NOS1: variants seen among roughly 807,000 people sequenced by gnomAD.
NOS1 encodes the protein nitric oxide synthase 1, also known as NOS type I.
In NOS1, 51 loss-of-function variants were observed where a neutral mutation model predicts 164.5. That is an observed-to-expected ratio of 0.31 (90% confidence interval 0.25 to 0.39). NOS1 has a LOEUF of 0.39. Ranked by LOEUF, NOS1 falls within the 10% of genes least tolerant of loss-of-function variation. NOS1 has a pLI of 1.00. For synonymous variants in NOS1, 719 were observed against 745.8 expected (o/e 0.96, Z 0.59); for missense variants, 1,362 against 1,885.6 (o/e 0.72, Z 5.14).
At chr12:117,276,866 C>T (rs1873227171) in intron 9 of NOS1, among the ~76,000 whole-genome samples, 1 of 152,108 alleles carries the variant, frequency 6.6e-6, no homozygotes, top group Non-Finnish European at 1.5e-5. Context: ...GCCACATTTT[C>T]TTTATCTATT....
chr12:117,324,552 A>G (rs549655473), intron 2 of NOS1, among the ~76,000 whole-genome samples: 2 of 152,266 alleles, frequency 1.3e-5, no homozygotes, highest in South Asian at 4.1e-4. Context: ...CAACATGATG[A>G]AACCCTGTTT....
Position 117,306,955 on chromosome 12 carries a change from T to G in NOS1, c.852+4511A>C, listed in dbSNP as rs567884719. ...TTTACTATAATGCCTGTTTCCTTTT[T>G]GTTTTAGGCAAACACTTATCTGATC... is the stretch of plus-strand genomic sequence containing the variant. On this transcript the variant is annotated intron_variant, in intron 3 of 28. Coordinates refer to ENST00000317775, the MANE Select transcript of NOS1 (RefSeq NM_000620.5). 5.3e-5 allele frequency among the ~76,000 whole-genome samples: 8 copies of G among 152,340 alleles called. No individual in the cohort carries two copies. In the South Asian group the frequency reaches 1.7e-3, roughly 32 times the overall value.
At chr12:117,281,117 A>G (rs985905567) in intron 7 of NOS1, among the ~76,000 whole-genome samples, 8 of 152,138 alleles carry the variant, frequency 5.3e-5, no homozygotes. Flanking sequence ...GAAGGAAAGA[A>G]TCTCTTTCTA....
chr12:117,342,794 T>G (rs566189583), intron 1 of NOS1, among the ~76,000 whole-genome samples: 2 of 151,908 alleles, frequency 1.3e-5, no homozygotes, highest in African/African-American at 4.8e-5. Context: ...GGGAGCCTGG[T>G]TAGGAGGCTG....
chr12:117,316,410 C>T (rs939917233), intron 2 of NOS1, among the ~76,000 whole-genome samples: 3 of 152,138 alleles, frequency 2.0e-5, no homozygotes, highest in Admixed American at 6.6e-5. Flanking sequence ...GAGCACACCA[C>T]GTCCACCCTT....
rs145770353 is a variant in NOS1, at chr12:117,349,472, G to A, written c.-421+12040C>T. 1.2e-4 allele frequency among the ~76,000 whole-genome samples: 18 copies of A among 152,348 alleles called. No individual in the cohort carries two copies. In the East Asian group the frequency reaches 3.5e-3, roughly 29 times the overall value. On this transcript the variant is annotated intron_variant, in intron 1 of 28. Transcript: ENST00000317775. Reference sequence around the variant, plus strand: ...TTGAATACTTCTTTTCAATTCTTAAGAAGTACAAGGTTCCCTTGTGGGGTA... The same window carrying A: ...TTGAATACTTCTTTTCAATTCTTAAAAAGTACAAGGTTCCCTTGTGGGGTA...
intron 14 of NOS1, among the ~76,000 whole-genome samples, chr12:117,259,503 G>T (rs816358): frequency 0.094 from 14,271 of 152,074 alleles, 700 homozygotes; most frequent in South Asian, 0.11. Context: ...CCCCAGTTAG[G>T]CCGGGAATGA....
At chr12:117,230,660 G>T (rs949108810) in intron 22 of NOS1, among the ~76,000 whole-genome samples, 4 of 152,152 alleles carry the variant, frequency 2.6e-5, no homozygotes, top group African/African-American at 7.2e-5. Flanking sequence ...ATTGAGCAAG[G>T]CTTTGCAGTG....
At chr12:117,263,590 T>C (rs61938696) in intron 13 of NOS1, among the ~76,000 whole-genome samples, 2 of 51,192 alleles carry the variant, frequency 3.9e-5, no homozygotes, top group Non-Finnish European at 1.5e-4. Context: ...ATTATTATTA[T>C]TATTATTATT....
chr12:117,247,944 TAAA>T (rs534303027), intron 17 of NOS1, among the ~76,000 whole-genome samples: 6 of 118,174 alleles, frequency 5.1e-5, no homozygotes, highest in Admixed American at 1.8e-4. Context: ...AGACTCCGTC[TAAA>T]AAAAAAAAAA....
chr12:117,228,970 A>T (rs1337345863), intron 22 of NOS1, among the ~76,000 whole-genome samples: 2 of 152,042 alleles, frequency 1.3e-5, no homozygotes, highest in Admixed American at 6.6e-5. Context: ...TTTAGTAGAG[A>T]CAGGGTTTCA....
In NOS1 at chr12:117,210,743, G is replaced by T; in HGVS notation, c.*4566C>A. The T allele has an allele frequency of 1.0e-6, 1 of 985,334 alleles. No homozygotes were observed. The highest frequency in any genetic ancestry group is 1.2e-6 in the Non-Finnish European group (1 of 829,960). 61.0% of individuals were successfully genotyped at this position (985,334 alleles called of 1,614,324 possible). A position where few individuals can be genotyped will look rare whatever the true frequency, so the allele number is the denominator to read the frequency against. On this transcript the variant is annotated 3_prime_UTR_variant, in exon 29 of 29. Transcript: ENST00000317775. ...GCAGGCAGCTGCTGAAAGCGTGTTT[G>T]GTCAGAAGATTCTGTGTTCTTAGCC... is the stretch of plus-strand genomic sequence containing the variant.
chr12:117,326,247 G>T (rs748352269), intron 2 of NOS1, among the ~76,000 whole-genome samples: 1 of 152,060 alleles, frequency 6.6e-6, no homozygotes, highest in Non-Finnish European at 1.5e-5. Context: ...TTAGCCAGGC[G>T]TGGTGGCACA....
At chr12:117,255,951 C>G in intron 16 of NOS1, 1 of 1,493,546 alleles carries the variant, frequency 6.7e-7, no homozygotes, top group African/African-American at 1.5e-5. Context: ...CTGGCTGTCA[C>G]GGGCTGCAGC....
chr12:117,242,558 G>T, intron 20 of NOS1, 69 bp downstream of exon 20: 1 of 1,277,510 alleles, frequency 7.8e-7, no homozygotes, highest in Non-Finnish European at 1.1e-6. Flanking sequence ...AGTCCACAGG[G>T]CTTGTCCTTC....
At chr12:117,235,802 G>C (rs1331849973) in intron 20 of NOS1, among the ~76,000 whole-genome samples, 2 of 152,184 alleles carry the variant, frequency 1.3e-5, no homozygotes, top group African/African-American at 4.8e-5. Flanking sequence ...CAGCACTTTG[G>C]GAGGTGGAGG....
At chr12:117,353,676 G>C (rs1482048817) in intron 1 of NOS1, among the ~76,000 whole-genome samples, 1 of 152,194 alleles carries the variant, frequency 6.6e-6, no homozygotes, top group Non-Finnish European at 1.5e-5. Flanking sequence ...ATGTAGGCTG[G>C]TTCCCATCAT....
At chr12:117,250,327 CTTTTTT>C (rs556629285) in intron 17 of NOS1, among the ~76,000 whole-genome samples, 3 of 130,168 alleles carry the variant, frequency 2.3e-5, no homozygotes, top group African/African-American at 5.8e-5. Flanking sequence ...TTGCCATTTA[CTTTTTT>C]TTTTTTTTTT....
chr12:117,330,284 G>A lies in NOS1; in HGVS notation c.725+61C>T, dbSNP rs1215610078. 11 of 1,514,860 alleles carry A rather than the reference G, an allele frequency of 7.3e-6. No homozygotes were observed. The highest frequency in any genetic ancestry group is 1.3e-5 in the South Asian group (1 of 76,954). The allele number at this position is 1,514,860 out of a possible 1,614,324, so 93.8% of individuals were successfully genotyped here. A position where few individuals can be genotyped will look rare whatever the true frequency, so the allele number is the denominator to read the frequency against. ...AGGCTGAGTCTCAGTAGACGCACAT[G>A]CACACACACAAGCATGCACACACAC... On this transcript the variant is annotated intron_variant, in intron 2 of 28. Transcript: ENST00000317775. This position sits in a 1 kb window ranked among gnomAD's most constrained non-coding sequence, Gnocchi z 4.6.
Sources: gnomAD v4.1 joint callset for allele counts (sites outside exome capture counted in the v4.1 genomes callset) on GRCh38, gnomAD v4.1.1 for gene constraint, Gnocchi (gnomAD v3.1) non-coding constraint, MANE v1.5 for transcripts, NCBI Gene and HGNC (gene_info 2026-07-23, HGNC 2026-07-21) for gene names.